ESR1: variants seen among roughly 807,000 people sequenced by gnomAD.
The protein encoded by ESR1 is estrogen receptor 1.
A neutral mutation model predicts 52.7 loss-of-function variants in ESR1; 12 were observed. That is an observed-to-expected ratio of 0.23 (90% CI 0.15 to 0.37). The LOEUF (loss-of-function observed/expected upper bound fraction) is 0.37. ESR1 is among the 10% of genes least tolerant of loss of function. The pLI is 1.00. For synonymous variants in ESR1, 305 were observed against 316.8 expected, an observed-to-expected ratio of 0.96 and a Z score of 0.39; for missense variants, 584 against 779.7, an observed-to-expected ratio of 0.75 and a Z score of 2.99.
chr6:151,972,902 C>T (rs1387398234), intron 4 of ESR1, among the ~76,000 whole-genome samples: 2 of 152,178 alleles, frequency 1.3e-5, no homozygotes, highest in African/African-American at 2.4e-5. Flanking sequence ...AAGAACTTCA[C>T]GTCAGAAATT....
rs74322861 is a variant in ESR1, at chr6:151,737,562, A to G, written c.-71+35557A>G. On this transcript the variant is annotated intron_variant, in intron 2 of 2. Coordinates refer to the ESR1 transcript ENST00000404742. ...ATTTATCTATTCCTTGAGTAAATGT[A>G]TGTGGTTCAAGATGTCAAAGAAACA... Among the ~76,000 whole-genome samples the G allele has an allele frequency of 9.4e-3, 1,430 of 152,282 alleles. 26 individuals carry two copies. Among genetic ancestry groups the G allele is most frequent in the African/African-American group, 0.032 (1,314 of 41,530 alleles).
intron 4 of ESR1, among the ~76,000 whole-genome samples, chr6:152,000,277 G>A (rs2041845355): frequency 6.6e-6 from 1 of 151,904 alleles, no homozygotes; most frequent in African/African-American, 2.4e-5. Flanking sequence ...ACTCTGCTAG[G>A]CACCAGAAAT....
At chr6:151,957,343 C>CA (rs1294439092) in intron 4 of ESR1, among the ~76,000 whole-genome samples, 1 of 151,920 alleles carries the variant, frequency 6.6e-6, no homozygotes, top group African/African-American at 2.4e-5. Context: ...CATAACTATA[C>CA]AAAAAAATCA....
chr6:152,111,197 G>A (rs1363265532), intron 6 of ESR1, among the ~76,000 whole-genome samples: 1 of 152,184 alleles, frequency 6.6e-6, no homozygotes, highest in Non-Finnish European at 1.5e-5. Flanking sequence ...TGGCATCTAT[G>A]TAGAACTGAC....
intron 2 of ESR1, among the ~76,000 whole-genome samples, chr6:151,719,204 T>C (rs1781272286): frequency 6.6e-6 from 1 of 152,178 alleles, no homozygotes; most frequent in African/African-American, 2.4e-5. Context: ...TTACACCTTG[T>C]GGTCTAGAAT....
chr6:152,081,696 T>C (rs2049230704), intron 6 of ESR1, among the ~76,000 whole-genome samples: 1 of 151,774 alleles, frequency 6.6e-6, no homozygotes, highest in Non-Finnish European at 1.5e-5. Flanking sequence ...AGCTGGTTTT[T>C]TGAAAAGATC....
intron 2 of ESR1, among the ~76,000 whole-genome samples, chr6:151,869,976 C>A (rs1790666631): frequency 6.6e-6 from 1 of 152,132 alleles, no homozygotes; most frequent in South Asian, 2.1e-4. Flanking sequence ...TAGTTCAAAT[C>A]ATGGCACATT....
intron 1 of ESR1, among the ~76,000 whole-genome samples, chr6:151,839,904 C>T (rs1213575062): frequency 3.3e-5 from 5 of 152,002 alleles, no homozygotes; most frequent in Non-Finnish European, 1.5e-5. Flanking sequence ...GTATATCTAA[C>T]ATGATTGAAT....
At chr6:152,127,186 G>A (rs975172304) in exon 7 of ESR1, 2 of 152,060 alleles carry the variant, frequency 1.3e-5, no homozygotes, top group Non-Finnish European at 2.9e-5. Context: ...TTGTTTAAAG[G>A]CTTCTACCCA....
intron 5 of ESR1, among the ~76,000 whole-genome samples, chr6:152,012,851 C>T (rs2042891176): frequency 6.6e-6 from 1 of 152,228 alleles, no homozygotes; most frequent in Non-Finnish European, 1.5e-5. Context: ...CACAGTGCAT[C>T]TCTGCATGGT....
intron 3 of ESR1, among the ~76,000 whole-genome samples, chr6:151,884,395 A>C (rs530917199): frequency 6.6e-6 from 1 of 152,364 alleles, no homozygotes; most frequent in South Asian, 2.1e-4. Context: ...TGACTGAATA[A>C]ATCTTTACAA....
chr6:152,047,215 C>T (rs948872059), intron 5 of ESR1, among the ~76,000 whole-genome samples: 2 of 151,790 alleles, frequency 1.3e-5, no homozygotes, highest in African/African-American at 4.8e-5. Flanking sequence ...CTCTTATTTG[C>T]CTCTGCTTGA....
intron 6 of ESR1, among the ~76,000 whole-genome samples, chr6:152,109,968 G>C (rs905062633): frequency 6.6e-6 from 1 of 152,186 alleles, no homozygotes; most frequent in Non-Finnish European, 1.5e-5. Flanking sequence ...CTGTGAGACA[G>C]CATACACACC....
At chr6:151,835,148 G>A (rs1246638257) in intron 1 of ESR1, among the ~76,000 whole-genome samples, 1 of 151,296 alleles carries the variant, frequency 6.6e-6, no homozygotes, top group Non-Finnish European at 1.5e-5. Context: ...AGAACAACAT[G>A]CTGGAATGCT....
At chr6:151,875,939 G>A (rs559210661) in intron 2 of ESR1, among the ~76,000 whole-genome samples, 18 of 152,210 alleles carry the variant, frequency 1.2e-4, no homozygotes, top group African/African-American at 3.4e-4. Flanking sequence ...GCCTGATGGC[G>A]TATGATTTTA....
intron 5 of ESR1, among the ~76,000 whole-genome samples, chr6:152,017,758 G>A (rs1164659906): frequency 3.3e-5 from 5 of 152,012 alleles, no homozygotes; most frequent in African/African-American, 1.2e-4. Flanking sequence ...TCAAAGAGAT[G>A]TTAGAGATGT....
chr6:151,703,299 G>A (rs1437159233), intron 2 of ESR1, among the ~76,000 whole-genome samples: 4 of 152,180 alleles, frequency 2.6e-5, no homozygotes, highest in Admixed American at 6.5e-5. Flanking sequence ...CTTAGCTACT[G>A]TCCTCAAAAC....
At chr6:151,743,165 AG>A (rs144594234) in intron 2 of ESR1, among the ~76,000 whole-genome samples, 7,288 of 152,208 alleles carry the variant, frequency 0.048, 247 homozygotes, top group Non-Finnish European at 0.078. Flanking sequence ...TAAATGATAC[AG>A]GAGATGAGAG....
At chr6:152,048,662 T>A (rs1454284240) in intron 5 of ESR1, among the ~76,000 whole-genome samples, 1 of 152,176 alleles carries the variant, frequency 6.6e-6, no homozygotes, top group Non-Finnish European at 1.5e-5. Flanking sequence ...TCCAACTCAA[T>A]ATTTACTGCG....
Sources: gnomAD v4.1 joint callset for allele counts (sites outside exome capture counted in the v4.1 genomes callset) on GRCh38, gnomAD v4.1.1 for gene constraint, MANE v1.5 for transcripts, NCBI Gene and HGNC (gene_info 2026-07-23, HGNC 2026-07-21) for gene names.